Variants in USP24 observed in about 807,000 individuals in gnomAD.
USP24 encodes the protein ubiquitin carboxyl-terminal hydrolase 24.
A neutral mutation model predicts 361.6 loss-of-function variants in USP24; 97 were observed. The observed-to-expected ratio is 0.27, with a 90% CI of 0.23 to 0.32. The LOEUF (loss-of-function observed/expected upper bound fraction) is 0.32. Among genes scored for constraint, USP24 ranks in the 10% least tolerant of loss-of-function variants. The pLI is 1.00. For synonymous variants in USP24, 1,098 were observed against 1,124.6 expected (o/e 0.98, Z 0.47); for missense variants, 2,353 against 3,165.6 (o/e 0.74, Z 6.16).
Position 55,078,643 on chromosome 1 carries a change from A to G in USP24, c.7209T>C (p.Phe2403=), listed in dbSNP as rs1039544248. ...EGKPYLLEVM[F]ALRELTGSLL... ...GCGAGCCTGTCAGCTCCCGCAAAGC[A>G]AACATTACCTGGTGGGAAGACATAA... Residue 2403 remains phenylalanine (F), a synonymous_variant, in exon 61 of 68, where the codon TTT becomes TTC. Transcript: ENST00000294383. 2.5e-6 allele frequency: 4 copies of G among 1,606,328 alleles called. No homozygotes were observed. The highest frequency in any genetic ancestry group is 1.7e-5 in the Admixed American group (1 of 59,006).
rs867931673 is a variant in USP24 at position 55,211,141 on chromosome 1, A to T, written c.324+3649T>A. Among the ~76,000 whole-genome samples the T allele has an allele frequency of 7.9e-5, 12 of 152,344 alleles. No individual in the cohort carries two copies. In the South Asian group the frequency reaches 1.2e-3, roughly 16 times the overall value. On this transcript the variant is annotated intron_variant, in intron 1 of 67. Transcript: ENST00000294383. ...TGTGTAGAGAACAGAACCAATTGGTACGCACTTGGCAGGCCAGAGTTTACA... is the reference window on the plus strand; with the variant it reads ...TGTGTAGAGAACAGAACCAATTGGTTCGCACTTGGCAGGCCAGAGTTTACA...
chr1:55,124,492 A>G lies in USP24; in HGVS notation c.4097T>C (p.Ile1366Thr). 6.2e-7 allele frequency: 1 copy of G among 1,612,912 alleles called. No homozygotes were observed. Residue 1366 changes from isoleucine to threonine, a missense_variant, in exon 35 of 68, where the codon ATT becomes ACT. Coordinates refer to ENST00000294383, the MANE Select transcript of USP24 (RefSeq NM_015306.3). ...ACCTGAACTGCTGAGTCTGTTTCGA[A>G]TTCCAGCAGGACACAGGGAATTACT... ...KESNSLCPAG[I>T]RNRLSSSGSN... is the part of the protein sequence containing the mutation.
chr1:55,118,677 G>A (rs1381688208), intron 38 of USP24, among the ~76,000 whole-genome samples: 2 of 152,152 alleles, frequency 1.3e-5, no homozygotes, highest in African/African-American at 4.8e-5. Flanking sequence ...CATCTGATAA[G>A]GGATCAATAT....
At chr1:55,169,323 T>G (rs1358525707) in intron 5 of USP24, among the ~76,000 whole-genome samples, 1 of 151,946 alleles carries the variant, frequency 6.6e-6, no homozygotes, top group East Asian at 1.9e-4. Flanking sequence ...GTGTTAAGGG[T>G]CACAGAGGAC....
At position 55,124,469 on chromosome 1, in the gene USP24, C is replaced by T; in HGVS notation, c.4120G>A (p.Gly1374Arg). The T allele has an allele frequency of 6.2e-7, 1 of 1,609,490 alleles. No individual in the cohort carries two copies. The highest frequency in any genetic ancestry group is 8.5e-7 in the Non-Finnish European group (1 of 1,177,584). Reference protein sequence around the residue: ...AGIRNRLSSSGSNCSSGSEGE... With the variant: ...AGIRNRLSSSRSNCSSGSEGE... Reference sequence around the variant, plus strand: ...ATTACTGTCTCTTTTTAATCAGTACCTGAACTGCTGAGTCTGTTTCGAATT... The same window carrying T: ...ATTACTGTCTCTTTTTAATCAGTACTTGAACTGCTGAGTCTGTTTCGAATT... The change falls in exon 35 of 68, where the codon GGA (glycine) becomes AGA (arginine). Residue 1374 changes from glycine to arginine, a missense_variant and splice_region_variant. Coordinates refer to ENST00000294383, the MANE Select transcript of USP24 (RefSeq NM_015306.3).
Position 55,075,956 on chromosome 1 carries a change from T to C in USP24, c.7381-433A>G, listed in dbSNP as rs763085456. Among the ~76,000 whole-genome samples the C allele has an allele frequency of 4.1e-4, 63 of 152,222 alleles. 1 individual carries two copies. The Middle Eastern group carries it at 0.01, about 25-fold the overall frequency. On this transcript the variant is annotated intron_variant, in intron 62 of 67. Coordinates refer to ENST00000294383, the MANE Select transcript of USP24 (RefSeq NM_015306.3). ...CAGCCTGGGCAACAGAGGGAGACTC[T>C]GTCTTGAAAAAAAGAAAACAAAACA...
In USP24 at chr1:55,154,137, G is replaced by A. The variant is rs1366704700; in HGVS notation, c.1794C>T (p.Cys598=). The stretch of plus-strand genomic sequence containing the variant: ...AACCAACCCTCTTAATATCTTCTAT[G>A]CACTTGATGATGTAGCTCCTCTTGA... ...EAIKRSYIIK[C]IEDIKRPGEW... The change falls in exon 15 of 68, where the codon TGC becomes TGT. Residue 598 remains cysteine, a synonymous_variant. Transcript: ENST00000294383. 1.2e-6 allele frequency: 2 copies of A among 1,613,538 alleles called. No individual in the cohort carries two copies. The highest frequency in any genetic ancestry group is 3.3e-5 in the Admixed American group (2 of 59,974).
At chr1:55,092,709 A>G in intron 53 of USP24, 112 bp downstream of exon 53, 1 of 778,410 alleles carries the variant, frequency 1.3e-6, no homozygotes, top group East Asian at 3.2e-5. Flanking sequence ...ACCTTTTTGC[A>G]TCTAACCTGA....
Position 55,121,405 on chromosome 1 carries a change from G to A in USP24, c.4347+31C>T, listed in dbSNP as rs1570460394. 5 of 1,593,934 alleles carry A rather than the reference G, an allele frequency of 3.1e-6. No homozygotes were observed. In the East Asian group the frequency reaches 6.7e-5, roughly 21 times the overall value. On this transcript the variant is annotated intron_variant, in intron 37 of 67. Coordinates refer to ENST00000294383, the MANE Select transcript of USP24 (RefSeq NM_015306.3). ...AGCTCACAAAACAACAGGACCAAAG[G>A]AGTTTTGTAAGTAATGTGAAAAATC...
At chr1:55,107,851 A>AAAAC (rs1645827588) in intron 39 of USP24, among the ~76,000 whole-genome samples, 1 of 142,864 alleles carries the variant, frequency 7.0e-6, no homozygotes, top group Non-Finnish European at 1.5e-5. Context: ...CAAAAAAAAA[A>AAAAC]AAAAAAAAAA....
At chr1:55,133,012 T>C (rs1646635023) in intron 30 of USP24, among the ~76,000 whole-genome samples, 1 of 152,222 alleles carries the variant, frequency 6.6e-6, no homozygotes, top group Admixed American at 6.5e-5. Flanking sequence ...TAAATACTGA[T>C]AATAAAATTA....
chr1:55,095,501 C>A, intron 50 of USP24, 105 bp from the exon 51 acceptor site: 1 of 1,297,550 alleles, frequency 7.7e-7, no homozygotes, highest in Non-Finnish European at 1.0e-6. Context: ...TAACTACTCC[C>A]TAAGTTTGTA....
At chr1:55,088,319 A>C (rs1226735883) in intron 55 of USP24, among the ~76,000 whole-genome samples, 1 of 152,224 alleles carries the variant, frequency 6.6e-6, no homozygotes, top group African/African-American at 2.4e-5. Flanking sequence ...TTGTGGGAAG[A>C]GACTTGCGTT....
chr1:55,122,373 G>C (rs148356018), intron 36 of USP24, among the ~76,000 whole-genome samples: 2 of 152,296 alleles, frequency 1.3e-5, no homozygotes, highest in East Asian at 1.9e-4. Flanking sequence ...TGAGTAAAGG[G>C]AAGAGTAGAA....
intron 19 of USP24, 43 bp from the exon 20 acceptor site, chr1:55,146,152 T>G: frequency 7.1e-7 from 1 of 1,417,558 alleles, no homozygotes; most frequent in Non-Finnish European, 9.9e-7. Context: ...AAGATCCATT[T>G]CAGGCACATA....
chr1:55,182,293 TA>T (rs1165516873), intron 1 of USP24, among the ~76,000 whole-genome samples: 3 of 152,202 alleles, frequency 2.0e-5, no homozygotes, highest in Non-Finnish European at 4.4e-5. Context: ...CTCATCGTGA[TA>T]TGCCCACCTT....
intron 38 of USP24, among the ~76,000 whole-genome samples, chr1:55,114,912 A>T (rs1302473677): frequency 1.3e-5 from 2 of 152,202 alleles, no homozygotes; most frequent in Non-Finnish European, 2.9e-5. Context: ...AATTAAATGA[A>T]AGAGCTTCTG....
At chr1:55,094,111 C>CT (rs1645440578) in intron 51 of USP24, 24 bp from the exon 52 acceptor site, 4 of 1,601,722 alleles carry the variant, frequency 2.5e-6, no homozygotes, top group Non-Finnish European at 2.6e-6. Flanking sequence ...TCAGAAAACT[C>CT]TGTCTAGTAT....
rs142200785 is a variant in USP24 at position 55,115,144 on chromosome 1, T to G, written c.4509-4898A>C. ...GTCAAGAAACATGAAAAAAAGCTCA[T>G]GATCACTGCAGAGAAATGCAAATCA... is the stretch of plus-strand genomic sequence containing the variant. On this transcript the variant is annotated intron_variant, in intron 38 of 67. Coordinates refer to ENST00000294383, the MANE Select transcript of USP24 (RefSeq NM_015306.3). Among the ~76,000 whole-genome samples the G allele has an allele frequency of 4.9e-4, 74 of 152,204 alleles. 1 individual carries two copies. Among genetic ancestry groups the G allele is most frequent in the African/African-American group, 1.7e-3 (70 of 41,542 alleles).
Sources: gnomAD v4.1 joint callset for allele counts (sites outside exome capture counted in the v4.1 genomes callset) on GRCh38, gnomAD v4.1.1 for gene constraint, MANE v1.5 for transcripts, NCBI Gene and HGNC (gene_info 2026-07-23, HGNC 2026-07-21) for gene names.